The following OSBPL6 variants were observed in gnomAD, a reference collection of about 807,000 sequenced individuals.
The protein encoded by OSBPL6 is oxysterol binding protein like 6.
In OSBPL6, 49 loss-of-function variants were observed where a neutral mutation model predicts 125.8. The ratio of observed to expected loss-of-function variants is 0.39; its 90% CI spans 0.31 to 0.49. The LOEUF is 0.49. Among genes scored for constraint, OSBPL6 ranks in the 20% least tolerant of loss-of-function variants. The pLI is 0.88. For synonymous variants in OSBPL6, 394 were observed against 391.8 expected (o/e 1.01, Z -0.07); for missense variants, 986 against 1,135.4 (o/e 0.87, Z 1.89).
In OSBPL6 at chr2:178,255,066, G is replaced by T. The variant is rs548788841; in HGVS notation, c.-350-29861G>T. On this transcript the variant is annotated intron_variant, in intron 1 of 24. Transcript: ENST00000190611. ...GGCCTGTAATCCTAGCGCTTTGGGAGGCCAAGGTGGGCAGATCACCTGAGG... is the reference window on the plus strand; with the variant it reads ...GGCCTGTAATCCTAGCGCTTTGGGATGCCAAGGTGGGCAGATCACCTGAGG... Among the ~76,000 whole-genome samples, 463 of 152,330 alleles carry T rather than the reference G, an allele frequency of 3.0e-3. 5 individuals are homozygous for T. Among genetic ancestry groups the T allele is most frequent in the African/African-American group, 0.01 (427 of 41,574 alleles).
At chr2:178,299,876 C>T (rs1455852527) in intron 2 of OSBPL6, among the ~76,000 whole-genome samples, 1 of 152,104 alleles carries the variant, frequency 6.6e-6, no homozygotes, top group East Asian at 1.9e-4. Context: ...TTGTCTTATT[C>T]ATTTACTTAG....
chr2:178,267,807 C>T (rs2092280833), intron 1 of OSBPL6, among the ~76,000 whole-genome samples: 1 of 111,728 alleles, frequency 9.0e-6, no homozygotes, highest in Non-Finnish European at 1.9e-5. Context: ...TATAAAATGT[C>T]AAGTAATTGC....
rs553087121 is a variant in OSBPL6 at position 178,194,547 on chromosome 2, G to A, written c.-478G>A. 2 of 152,242 alleles carry A rather than the reference G, an allele frequency of 1.3e-5. No individual in the cohort carries two copies. Among genetic ancestry groups the A allele is most frequent in the Admixed American group, 6.5e-5 (1 of 15,288 alleles). 9.4% of individuals were successfully genotyped at this position (152,242 alleles called of 1,614,324 possible). A position where few individuals can be genotyped will look rare whatever the true frequency, so the allele number is the denominator to read the frequency against. Reference sequence around the variant, plus strand: ...GAGATCGCGGCTCGGTGCAGGCGGCGCCCATGCCTCCTCTCCTCCACTAGC... The same window carrying A: ...GAGATCGCGGCTCGGTGCAGGCGGCACCCATGCCTCCTCTCCTCCACTAGC... On this transcript the variant is annotated 5_prime_UTR_variant, in exon 1 of 25. Transcript: ENST00000190611.
At chr2:178,343,372 G>A (rs1369699972) in intron 11 of OSBPL6, among the ~76,000 whole-genome samples, 2 of 151,862 alleles carry the variant, frequency 1.3e-5, no homozygotes, top group Non-Finnish European at 1.5e-5. Flanking sequence ...GGGCAACAGA[G>A]TGAGACCCTA....
chr2:178,203,879 G>A (rs1206626360), intron 1 of OSBPL6, among the ~76,000 whole-genome samples: 1 of 152,132 alleles, frequency 6.6e-6, no homozygotes, highest in African/African-American at 2.4e-5. Flanking sequence ...TTCTAGTTTG[G>A]CAGGTGGGAG....
At chr2:178,292,854 G>A (rs1256180351) in intron 2 of OSBPL6, among the ~76,000 whole-genome samples, 8 of 152,182 alleles carry the variant, frequency 5.3e-5, no homozygotes, top group Non-Finnish European at 1.5e-5. Flanking sequence ...AAGTGACAAG[G>A]TGTGTGCCTA....
At chr2:178,281,066 G>A (rs1684124668) in intron 1 of OSBPL6, among the ~76,000 whole-genome samples, 1 of 149,692 alleles carries the variant, frequency 6.7e-6, no homozygotes, top group Non-Finnish European at 1.5e-5. Flanking sequence ...CCAGGTTGGA[G>A]TGCAATGGCA....
chr2:178,356,163 T>C (rs796208755), intron 12 of OSBPL6, among the ~76,000 whole-genome samples: 2 of 152,294 alleles, frequency 1.3e-5, no homozygotes, highest in African/African-American at 4.8e-5. Flanking sequence ...AAGCATTCCC[T>C]TTGAAAACCA....
intron 1 of OSBPL6, among the ~76,000 whole-genome samples, chr2:178,260,792 A>G (rs1016744830): frequency 3.9e-5 from 6 of 152,202 alleles, no homozygotes; most frequent in Admixed American, 1.3e-4. Context: ...CTAGTTCTCA[A>G]TGAAACCATT....
chr2:178,355,447 A>G (rs1574953804), intron 12 of OSBPL6, among the ~76,000 whole-genome samples: 1 of 152,226 alleles, frequency 6.6e-6, no homozygotes, highest in Non-Finnish European at 1.5e-5. Context: ...CCATCAGAGA[A>G]TACTATAAAC....
intron 1 of OSBPL6, among the ~76,000 whole-genome samples, chr2:178,243,380 T>G (rs2091365021): frequency 6.6e-6 from 1 of 152,216 alleles, no homozygotes; most frequent in South Asian, 2.1e-4. Context: ...GAGTTCTTTG[T>G]TCAAAACCAA....
chr2:178,379,730 G>C (rs1359990821), intron 15 of OSBPL6, among the ~76,000 whole-genome samples: 2 of 152,078 alleles, frequency 1.3e-5, no homozygotes, highest in Non-Finnish European at 2.9e-5. Flanking sequence ...CTTTTCATGA[G>C]CCTGATGGTT....
chr2:178,257,799 C>CT (rs34246883), intron 1 of OSBPL6, among the ~76,000 whole-genome samples: 36,676 of 143,486 alleles, frequency 0.26, 5,029 homozygotes, highest in African/African-American at 0.39. Flanking sequence ...TTTTTAATTC[C>CT]TTTTTTTTTT....
At chr2:178,324,446 G>A (rs1688522156) in intron 4 of OSBPL6, among the ~76,000 whole-genome samples, 177 bp downstream of exon 4, 2 of 152,188 alleles carry the variant, frequency 1.3e-5, no homozygotes, top group South Asian at 4.1e-4. Flanking sequence ...TTATAAGAGA[G>A]AACAGAGAAT....
rs185925438 is a variant in OSBPL6 at position 178,274,201 on chromosome 2, C to A, written c.-350-10726C>A. Among the ~76,000 whole-genome samples the A allele has an allele frequency of 2.1e-3, 316 of 152,240 alleles. 1 individual carries two copies. The highest frequency in any genetic ancestry group is 0.01 in the Middle Eastern group (3 of 294). ...AGAATTTTATCAGATAGGCTTGCAA[C>A]ACTTTTCAGTTGATAAAAACATTAG... is the stretch of plus-strand genomic sequence containing the variant. On this transcript the variant is annotated intron_variant, in intron 1 of 24. Coordinates refer to ENST00000190611, the MANE Select transcript of OSBPL6 (RefSeq NM_032523.4).
At chr2:178,336,998 A>G (rs566938324) in intron 9 of OSBPL6, among the ~76,000 whole-genome samples, 2 of 152,298 alleles carry the variant, frequency 1.3e-5, no homozygotes, top group African/African-American at 4.8e-5. Flanking sequence ...GTGATTCAAT[A>G]TTCTGAACCA....
chr2:178,385,658 T>C, intron 19 of OSBPL6, 137 bp downstream of exon 19: 1 of 665,778 alleles, frequency 1.5e-6, no homozygotes, highest in Non-Finnish European at 2.5e-6. Context: ...GCAGAGCTCA[T>C]TTTGAGAAAT....
At chr2:178,378,440 T>C (rs1694089893) in intron 15 of OSBPL6, among the ~76,000 whole-genome samples, 1 of 152,230 alleles carries the variant, frequency 6.6e-6, no homozygotes, top group African/African-American at 2.4e-5. Flanking sequence ...AAATCCTCTT[T>C]ATATGTTATT....
At chr2:178,282,067 C>T (rs1011493362) in intron 1 of OSBPL6, among the ~76,000 whole-genome samples, 3 of 152,188 alleles carry the variant, frequency 2.0e-5, no homozygotes, top group Non-Finnish European at 4.4e-5. Context: ...CCAGGACAGC[C>T]TGACACAAAT....
Sources: gnomAD v4.1 joint callset for allele counts (sites outside exome capture counted in the v4.1 genomes callset) on GRCh38, gnomAD v4.1.1 for gene constraint, MANE v1.5 for transcripts, NCBI Gene and HGNC (gene_info 2026-07-23, HGNC 2026-07-21) for gene names.